SNX13: variants seen among roughly 807,000 people sequenced by gnomAD.
The protein encoded by SNX13 is sorting nexin 13, also known as sorting nexin-13.
A neutral mutation model predicts 133.6 loss-of-function variants in SNX13; 45 were observed. That is an observed-to-expected ratio of 0.34 (90% confidence interval 0.27 to 0.43). SNX13 has a LOEUF of 0.43. Among genes scored for constraint, SNX13 ranks in the 20% least tolerant of loss-of-function variants. The pLI is 1.00. For synonymous variants in SNX13, 414 were observed against 373.9 expected, an observed-to-expected ratio of 1.11 and a Z score of -1.24; for missense variants, 1,032 against 1,145.1, an observed-to-expected ratio of 0.90 and a Z score of 1.43.
intron 9 of SNX13, among the ~76,000 whole-genome samples, chr7:17,861,144 T>C (rs1792620716): frequency 6.6e-6 from 1 of 151,872 alleles, no homozygotes; most frequent in African/African-American, 2.4e-5. Flanking sequence ...GCCTCTGGAG[T>C]AGCTAGGACC....
At chr7:17,853,435 A>G (rs561296122) in intron 9 of SNX13, among the ~76,000 whole-genome samples, 1 of 152,360 alleles carries the variant, frequency 6.6e-6, no homozygotes, top group Non-Finnish European at 1.5e-5. Context: ...AAAGTACAAG[A>G]CTATGTAAAA....
In SNX13 at chr7:17,816,164, T is replaced by G; in HGVS notation, c.1953+18A>C. ...ATATTAAATGAAAATCTGTGGATTA[T>G]AGTAAACATGAGCTTACCTGCAAAT... is the stretch of plus-strand genomic sequence containing the variant. On this transcript the variant is annotated intron_variant, in intron 19 of 25. Transcript: ENST00000428135. The G allele has an allele frequency of 6.6e-7, 1 of 1,518,826 alleles. No homozygotes were observed. The highest frequency in any genetic ancestry group is 8.8e-7 in the Non-Finnish European group (1 of 1,132,094). 94.1% of individuals were successfully genotyped at this position (1,518,826 alleles called of 1,614,324 possible).
chr7:17,904,933 T>A (rs1478354907), intron 1 of SNX13, among the ~76,000 whole-genome samples: 1 of 151,942 alleles, frequency 6.6e-6, no homozygotes, highest in African/African-American at 2.4e-5. Context: ...CAAGGCCAAG[T>A]ACACAGAAGC....
intron 1 of SNX13, among the ~76,000 whole-genome samples, chr7:17,903,173 A>C (rs994480739): frequency 6.6e-6 from 1 of 152,208 alleles, no homozygotes; most frequent in African/African-American, 2.4e-5. Context: ...AACTCTCAAG[A>C]TCATCTACTG....
intron 1 of SNX13, among the ~76,000 whole-genome samples, chr7:17,908,297 G>A (rs1199930703): frequency 6.6e-6 from 1 of 152,084 alleles, no homozygotes; most frequent in East Asian, 1.9e-4. Context: ...CATTATAGCT[G>A]CATGACTATA....
chr7:17,816,777 T>G (rs896657205), intron 18 of SNX13, among the ~76,000 whole-genome samples: 5 of 152,170 alleles, frequency 3.3e-5, no homozygotes, highest in Admixed American at 2.0e-4. Context: ...CAAAACACAG[T>G]TCTAATATTA....
At chr7:17,808,384 G>C (rs1182153338) in intron 20 of SNX13, among the ~76,000 whole-genome samples, 1 of 152,140 alleles carries the variant, frequency 6.6e-6, no homozygotes, top group Admixed American at 6.5e-5. Context: ...ATGAAATAAA[G>C]TGTGAAGACA....
intron 1 of SNX13, among the ~76,000 whole-genome samples, chr7:17,919,723 A>C (rs1430896404): frequency 6.6e-6 from 1 of 152,234 alleles, no homozygotes; most frequent in African/African-American, 2.4e-5. Context: ...GAGGAAAGCG[A>C]AACAAGCATC....
At chr7:17,905,268 A>G (rs1798269367) in intron 1 of SNX13, among the ~76,000 whole-genome samples, 2 of 152,194 alleles carry the variant, frequency 1.3e-5, no homozygotes, top group Non-Finnish European at 2.9e-5. Flanking sequence ...CAACCCAATT[A>G]TTTTGGAGGC....
chr7:17,891,082 T>C (rs546307660), intron 4 of SNX13, among the ~76,000 whole-genome samples: 32 of 152,036 alleles, frequency 2.1e-4, no homozygotes, highest in African/African-American at 7.0e-4. Flanking sequence ...AATTCTAAAG[T>C]ACACATTTTT....
Position 17,927,458 on chromosome 7 carries a change from G to A in SNX13, c.12+12826C>T, listed in dbSNP as rs990921066. On this transcript the variant is annotated intron_variant, in intron 1 of 25. Coordinates refer to ENST00000428135, the MANE Select transcript of SNX13 (RefSeq NM_015132.5). ...AGGTCTCCCTACACTGCCCAGGCTG[G>A]TCTAGAACTCATGGGCTCAAGCAAT... is the stretch of plus-strand genomic sequence containing the variant. Among the ~76,000 whole-genome samples the A allele has an allele frequency of 2.0e-5, 3 of 151,992 alleles. No individual in the cohort carries two copies. In the South Asian group the frequency reaches 6.2e-4, roughly 32 times the overall value.
chr7:17,898,215 ACATCC>A (rs2128000073), intron 1 of SNX13: 1 of 152,330 alleles, frequency 6.6e-6, no homozygotes, highest in South Asian at 2.1e-4. Flanking sequence ...ACAAGTTCCT[ACATCC>A]ATTCGCCTTG....
intron 9 of SNX13, among the ~76,000 whole-genome samples, chr7:17,858,013 T>C (rs1792135983): frequency 6.6e-6 from 1 of 152,160 alleles, no homozygotes; most frequent in African/African-American, 2.4e-5. Flanking sequence ...ATATTAGGTA[T>C]AGAAGGAAAA....
At chr7:17,922,428 T>C (rs1225459822) in intron 1 of SNX13, among the ~76,000 whole-genome samples, 2 of 152,244 alleles carry the variant, frequency 1.3e-5, no homozygotes, top group Non-Finnish European at 1.5e-5. Context: ...GTGTATGTTT[T>C]GTTCAGTGTT....
At chr7:17,809,369 A>G (rs938792801) in intron 20 of SNX13, among the ~76,000 whole-genome samples, 2 of 151,908 alleles carry the variant, frequency 1.3e-5, no homozygotes, top group Non-Finnish European at 2.9e-5. Flanking sequence ...ACTTTAAACC[A>G]ACAAAGGGAA....
In SNX13 at chr7:17,821,652, C is replaced by A; in HGVS notation, c.1706-4G>T. On this transcript the variant is annotated splice_polypyrimidine_tract_variant and splice_region_variant and intron_variant, in intron 17 of 25. Transcript: ENST00000428135. ...TTGCCATGATCATTACAAACGCCTG[C>A]CACAGCATATGGGTCATAGTCAGCA... 1 of 1,612,664 alleles carries A rather than the reference C, an allele frequency of 6.2e-7. No homozygotes were observed. The highest frequency in any genetic ancestry group is 8.5e-7 in the Non-Finnish European group (1 of 1,179,174).
chr7:17,824,311 T>G (rs1787629646), intron 17 of SNX13, among the ~76,000 whole-genome samples: 1 of 152,198 alleles, frequency 6.6e-6, no homozygotes, highest in South Asian at 2.1e-4. Flanking sequence ...TTCTTGTGTG[T>G]GTACTGCTTC....
intron 20 of SNX13, among the ~76,000 whole-genome samples, chr7:17,804,228 A>G (rs1784940769): frequency 6.6e-6 from 1 of 152,198 alleles, no homozygotes; most frequent in African/African-American, 2.4e-5. Context: ...AATGTTTTCC[A>G]AAACAGAAAT....
At chr7:17,910,848 T>A (rs535191606) in intron 1 of SNX13, among the ~76,000 whole-genome samples, 19 of 152,258 alleles carry the variant, frequency 1.2e-4, no homozygotes, top group Admixed American at 1.3e-4. Context: ...AATACATAAA[T>A]CCATAGTAAC....
Sources: allele counts gnomAD v4.1 joint callset (sites outside exome capture counted in the v4.1 genomes callset), GRCh38; gene constraint gnomAD v4.1.1; transcripts MANE v1.5; gene names NCBI Gene and HGNC (gene_info 2026-07-23, HGNC 2026-07-21).